Variants in NELL1 observed in about 807,000 individuals in gnomAD.
NELL1 encodes the protein protein kinase C-binding protein NELL1.
NELL1 carries 76 observed loss-of-function variants against 107.4 expected under a neutral mutation model. That is an observed-to-expected ratio of 0.71 (90% CI 0.59 to 0.86). The LOEUF (loss-of-function observed/expected upper bound fraction) is 0.86. Ranked by LOEUF, NELL1 falls within the 40% of genes least tolerant of loss-of-function variation. NELL1 has a pLI of 0.00. For synonymous variants in NELL1, 353 were observed against 341.2 expected (o/e 1.03, Z -0.38); for missense variants, 1,024 against 1,005.5 (o/e 1.02, Z -0.25).
At chr11:21,099,234 A>ACACACAAAC (rs1854741265) in intron 12 of NELL1, among the ~76,000 whole-genome samples, 2 of 64,004 alleles carry the variant, frequency 3.1e-5, no homozygotes, top group African/African-American at 1.6e-4. Flanking sequence ...CACACACACA[A>ACACACAAAC]ACACACACAC....
At chr11:21,290,708 T>C (rs11827960) in intron 14 of NELL1, among the ~76,000 whole-genome samples, 1 of 152,194 alleles carries the variant, frequency 6.6e-6, no homozygotes. Flanking sequence ...AAACAGGGTC[T>C]GGAGTGGACC....
intron 16 of NELL1, among the ~76,000 whole-genome samples, chr11:21,548,649 T>C (rs778319102): frequency 5.3e-5 from 8 of 152,006 alleles, no homozygotes; most frequent in Non-Finnish European, 1.2e-4. Context: ...AGACGAGATT[T>C]GGGTAGGGAC....
intron 3 of NELL1, among the ~76,000 whole-genome samples, chr11:20,843,396 T>A (rs1848651450): frequency 6.6e-6 from 1 of 152,114 alleles, no homozygotes; most frequent in Admixed American, 6.6e-5. Flanking sequence ...GTAGAATAAC[T>A]GGAAAAGAGA....
At chr11:20,785,006 T>C (rs1856924809) in intron 3 of NELL1, among the ~76,000 whole-genome samples, 1 of 152,198 alleles carries the variant, frequency 6.6e-6, no homozygotes, top group Non-Finnish European at 1.5e-5. Context: ...AGGTTAGTGG[T>C]TGAGGAAGAC....
At chr11:21,128,091 G>A (rs968016544) in intron 13 of NELL1, among the ~76,000 whole-genome samples, 2 of 152,108 alleles carry the variant, frequency 1.3e-5, no homozygotes, top group Admixed American at 1.3e-4. Context: ...CTGGAGGGGA[G>A]CATCTTAGTT....
chr11:20,921,330 C>T (rs1287093560), intron 7 of NELL1, among the ~76,000 whole-genome samples: 1 of 151,996 alleles, frequency 6.6e-6, no homozygotes, highest in African/African-American at 2.4e-5. Context: ...TTTTATATCC[C>T]CTGTCACTTT....
chr11:21,191,793 G>A (rs1183020998), intron 13 of NELL1, among the ~76,000 whole-genome samples: 1 of 151,962 alleles, frequency 6.6e-6, no homozygotes, highest in African/African-American at 2.4e-5. Flanking sequence ...CAGACAAAAT[G>A]AGGACACGAG....
At chr11:20,755,242 G>A (rs1271314931) in intron 2 of NELL1, among the ~76,000 whole-genome samples, 4 of 152,164 alleles carry the variant, frequency 2.6e-5, no homozygotes, top group African/African-American at 9.7e-5. Context: ...GAAGCAGGCA[G>A]AAAACTAGCT....
chr11:20,730,099 G>A (rs1040939647), intron 2 of NELL1, among the ~76,000 whole-genome samples: 1 of 152,168 alleles, frequency 6.6e-6, no homozygotes, highest in Non-Finnish European at 1.5e-5. Flanking sequence ...AGGACTAATG[G>A]CTCACTAACT....
intron 12 of NELL1, among the ~76,000 whole-genome samples, chr11:21,038,534 C>A (rs932607662): frequency 3.3e-5 from 5 of 152,148 alleles, no homozygotes; most frequent in Non-Finnish European, 7.4e-5. Context: ...AGGGTTAGCA[C>A]TGCTGGCTTA....
chr11:21,432,865 A>G (rs1853001223), intron 15 of NELL1, among the ~76,000 whole-genome samples: 1 of 152,190 alleles, frequency 6.6e-6, no homozygotes, highest in Non-Finnish European at 1.5e-5. Context: ...TGTTGTGAAC[A>G]TTCAAAATTC....
intron 3 of NELL1, among the ~76,000 whole-genome samples, chr11:20,837,740 G>C (rs1168415659): frequency 6.6e-6 from 1 of 152,022 alleles, no homozygotes; most frequent in East Asian, 1.9e-4. Context: ...GGAACAATTT[G>C]AGCAAAAAAA....
intron 13 of NELL1, among the ~76,000 whole-genome samples, chr11:21,183,038 C>T (rs1480699501): frequency 6.6e-6 from 1 of 151,768 alleles, no homozygotes; most frequent in Admixed American, 6.6e-5. Flanking sequence ...TGAGAGGGAA[C>T]GGCTGGCAAA....
chr11:21,348,813 C>T (rs935704014), intron 14 of NELL1, among the ~76,000 whole-genome samples: 2 of 152,170 alleles, frequency 1.3e-5, no homozygotes, highest in South Asian at 2.1e-4. Context: ...AGTGAACAGT[C>T]ATGTGAAATA....
intron 14 of NELL1, among the ~76,000 whole-genome samples, chr11:21,306,733 C>T (rs1013107268): frequency 4.6e-5 from 7 of 152,110 alleles, no homozygotes; most frequent in South Asian, 4.1e-4. Context: ...TCAAGGTACA[C>T]GGAAACTATC....
At chr11:20,945,757 T>G (rs1202443727) in intron 10 of NELL1, among the ~76,000 whole-genome samples, 3 of 152,182 alleles carry the variant, frequency 2.0e-5, no homozygotes, top group African/African-American at 7.2e-5. Context: ...GTAGGGACAC[T>G]TGCCTTAGGA....
chr11:21,208,013 C>A (rs1857425318), intron 13 of NELL1, among the ~76,000 whole-genome samples: 1 of 152,062 alleles, frequency 6.6e-6, no homozygotes. Context: ...CATATACTTA[C>A]CCATTCTTTT....
At chr11:21,314,130 C>T (rs1849819486) in intron 14 of NELL1, among the ~76,000 whole-genome samples, 1 of 151,546 alleles carries the variant, frequency 6.6e-6, no homozygotes, top group African/African-American at 2.4e-5. Context: ...TCCTATACAG[C>T]CTGCAGAACC....
intron 14 of NELL1, among the ~76,000 whole-genome samples, chr11:21,288,473 C>T (rs1327015285): frequency 6.6e-6 from 1 of 152,190 alleles, no homozygotes; most frequent in Non-Finnish European, 1.5e-5. Context: ...TACTCCTTCT[C>T]TTTACAGATT....
Sources: allele counts gnomAD v4.1 joint callset (sites outside exome capture counted in the v4.1 genomes callset), GRCh38; gene constraint gnomAD v4.1.1; transcripts MANE v1.5; gene names NCBI Gene and HGNC (gene_info 2026-07-23, HGNC 2026-07-21).